The following MCTP1 variants were observed in gnomAD, a reference collection of about 807,000 sequenced individuals.
MCTP1 encodes multiple C2 and transmembrane domain containing 1, also known as multiple C2 and transmembrane domain-containing protein 1.
A neutral mutation model predicts 120.6 loss-of-function variants in MCTP1; 69 were observed. That is an observed-to-expected ratio of 0.57 (90% CI 0.47 to 0.70). The LOEUF is 0.70. Ranked by LOEUF, MCTP1 falls within the 30% of genes least tolerant of loss-of-function variation. The pLI, the probability that MCTP1 is intolerant of heterozygous loss-of-function variation, is 0.00. For synonymous variants in MCTP1, 529 were observed against 493.1 expected, an observed-to-expected ratio of 1.07 and a Z score of -0.96; for missense variants, 1,203 against 1,248.8, an observed-to-expected ratio of 0.96 and a Z score of 0.55.
intron 2 of MCTP1, among the ~76,000 whole-genome samples, chr5:95,002,911 G>T (rs1834002730): frequency 6.6e-6 from 1 of 152,148 alleles, no homozygotes; most frequent in African/African-American, 2.4e-5. Flanking sequence ...ATCTCATCTT[G>T]AAATGTAATC....
At chr5:95,117,214 C>G (rs917859958) in intron 1 of MCTP1, among the ~76,000 whole-genome samples, 1 of 151,844 alleles carries the variant, frequency 6.6e-6, no homozygotes, top group Non-Finnish European at 1.5e-5. Context: ...CACGGTGAAA[C>G]CCCGTCTCTA....
intron 3 of MCTP1, among the ~76,000 whole-genome samples, chr5:94,950,516 T>G (rs985130330): frequency 6.6e-6 from 1 of 152,192 alleles, no homozygotes; most frequent in Non-Finnish European, 1.5e-5. Context: ...TTATAGTATA[T>G]GTATGTGTAC....
chr5:95,068,284 GAA>G (rs1002025588), intron 1 of MCTP1, among the ~76,000 whole-genome samples: 4 of 151,850 alleles, frequency 2.6e-5, no homozygotes, highest in African/African-American at 9.7e-5. Context: ...TCACAGAGGA[GAA>G]AGAGAGAGAC....
chr5:95,102,616 A>G (rs1385815121), intron 1 of MCTP1, among the ~76,000 whole-genome samples: 1 of 152,202 alleles, frequency 6.6e-6, no homozygotes, highest in Non-Finnish European at 1.5e-5. Flanking sequence ...ATACTAGGAT[A>G]CAGAGATATC....
intron 1 of MCTP1, among the ~76,000 whole-genome samples, chr5:95,073,008 G>A (rs767161906): frequency 1.3e-5 from 2 of 152,036 alleles, no homozygotes; most frequent in Non-Finnish European, 1.5e-5. Context: ...GCCTCCCAAA[G>A]TGCGCTTAGC....
intron 19 of MCTP1, among the ~76,000 whole-genome samples, chr5:94,771,221 T>C (rs1004010534): frequency 1.3e-5 from 2 of 152,102 alleles, no homozygotes; most frequent in African/African-American, 2.4e-5. Context: ...ATAGTCTCTG[T>C]AAAATAATTC....
chr5:95,134,311 T>C (rs144331922), intron 1 of MCTP1, among the ~76,000 whole-genome samples: 1 of 152,382 alleles, frequency 6.6e-6, no homozygotes, highest in African/African-American at 2.4e-5. Context: ...GCCCAAATTC[T>C]GATATATGTA....
chr5:95,187,132 C>T (rs926025744), intron 1 of MCTP1, among the ~76,000 whole-genome samples: 2 of 152,122 alleles, frequency 1.3e-5, no homozygotes, highest in African/African-American at 4.8e-5. Flanking sequence ...AGCAGTAAAT[C>T]GAAGAGATAT....
At chr5:95,146,472 G>C (rs984456346) in intron 1 of MCTP1, among the ~76,000 whole-genome samples, 1 of 152,048 alleles carries the variant, frequency 6.6e-6, no homozygotes, top group Non-Finnish European at 1.5e-5. Flanking sequence ...AAGTACTATG[G>C]TGGGTAATTA....
chr5:94,925,187 T>C (rs933967195), intron 6 of MCTP1, among the ~76,000 whole-genome samples: 16 of 152,180 alleles, frequency 1.1e-4, no homozygotes, highest in African/African-American at 3.9e-4. Flanking sequence ...TAGAGTCTAA[T>C]GATAATAACA....
In MCTP1 at chr5:94,917,981, G is replaced by C. The variant is rs1053467252; in HGVS notation, c.1273-8C>G. ...AGCTGGCCTGCCGCACGTCTGGATG[G>C]AAATGAATGATCAGAGCTGTACGGG... is the stretch of plus-strand genomic sequence containing the variant. On this transcript the variant is annotated splice_polypyrimidine_tract_variant and splice_region_variant and intron_variant, in intron 7 of 22. Coordinates refer to ENST00000515393, the MANE Select transcript of MCTP1 (RefSeq NM_024717.7). 1.9e-6 allele frequency: 3 copies of C among 1,611,954 alleles called. No individual in the cohort carries two copies. Among genetic ancestry groups the C allele is most frequent in the Non-Finnish European group, 2.5e-6 (3 of 1,178,124 alleles).
At chr5:95,150,083 G>A (rs550171762) in intron 1 of MCTP1, among the ~76,000 whole-genome samples, 2 of 152,186 alleles carry the variant, frequency 1.3e-5, no homozygotes, top group African/African-American at 4.8e-5. Flanking sequence ...TTCTGTGAGG[G>A]TGTTACACAT....
At chr5:95,255,950 T>C (rs145290862) in intron 1 of MCTP1, among the ~76,000 whole-genome samples, 3 of 152,226 alleles carry the variant, frequency 2.0e-5, no homozygotes, top group African/African-American at 7.2e-5. Flanking sequence ...GAAGTGTTCG[T>C]CTGTAGCTCG....
intron 1 of MCTP1, among the ~76,000 whole-genome samples, chr5:95,266,723 A>C (rs1368013172): frequency 6.6e-6 from 1 of 152,208 alleles, no homozygotes; most frequent in East Asian, 1.9e-4. Flanking sequence ...GTCCATGTTC[A>C]TATTGGTCAT....
At chr5:95,229,894 G>T (rs925670486) in intron 1 of MCTP1, among the ~76,000 whole-genome samples, 3 of 152,080 alleles carry the variant, frequency 2.0e-5, no homozygotes, top group Non-Finnish European at 4.4e-5. Context: ...CTCAAGAGGG[G>T]ACTGGAAAAG....
chr5:94,949,896 C>A lies in MCTP1; in HGVS notation c.981+3323G>T, dbSNP rs115971686. Among the ~76,000 whole-genome samples the A allele has an allele frequency of 7.4e-3, 1,127 of 152,062 alleles. 13 individuals are homozygous for A. The highest frequency in any genetic ancestry group is 0.026 in the African/African-American group (1,085 of 41,486). On this transcript the variant is annotated intron_variant, in intron 3 of 22. Transcript: ENST00000515393. ...TGAGTCACTCAAACACACAGGCCTG[C>A]ATAGAGACAATAAAAATGATGCAAT...
Position 94,870,943 on chromosome 5 carries a change from A to T in MCTP1, c.2170T>A (p.Leu724Met), listed in dbSNP as rs1238456106. The change falls in exon 15 of 23, where the codon TTG becomes ATG. Residue 724 changes from leucine to methionine, a missense_variant. Coordinates refer to ENST00000515393, the MANE Select transcript of MCTP1 (RefSeq NM_024717.7). ...IQNGEQKAYV[L>M]KNKQLTGPTK... ...GGCCCTGTCAGCTGCTTGTTTTTCA[A>T]GACGTAGGCTTTCTGTTCACCATTT... 1 of 1,613,176 alleles carries T rather than the reference A, an allele frequency of 6.2e-7. No individual in the cohort carries two copies.
chr5:95,002,658 C>T (rs1833953998), intron 2 of MCTP1, among the ~76,000 whole-genome samples: 1 of 152,208 alleles, frequency 6.6e-6, no homozygotes, highest in South Asian at 2.1e-4. Flanking sequence ...TCACCCAATG[C>T]CTGTAACCCC....
chr5:95,140,294 G>A (rs533830419), intron 1 of MCTP1, among the ~76,000 whole-genome samples: 2 of 152,196 alleles, frequency 1.3e-5, no homozygotes, highest in African/African-American at 4.8e-5. Context: ...TGCAACCCGG[G>A]ACTTTGCAGC....
Sources: allele counts gnomAD v4.1 joint callset (sites outside exome capture counted in the v4.1 genomes callset), GRCh38; gene constraint gnomAD v4.1.1; transcripts MANE v1.5; gene names NCBI Gene and HGNC (gene_info 2026-07-23, HGNC 2026-07-21).